PCDH9: variants seen among roughly 807,000 people sequenced by gnomAD.
PCDH9 encodes protocadherin 9.
In PCDH9, 24 loss-of-function variants were observed where a neutral mutation model predicts 70.6. The observed-to-expected ratio is 0.34, with a 90% CI of 0.25 to 0.48. The LOEUF is 0.48. Ranked by LOEUF, PCDH9 falls within the 20% of genes least tolerant of loss-of-function variation. PCDH9 has a pLI of 0.99. For synonymous variants in PCDH9, 562 were observed against 558.5 expected, an observed-to-expected ratio of 1.01 and a Z score of -0.09; for missense variants, 1,281 against 1,503.6, an observed-to-expected ratio of 0.85 and a Z score of 2.45.
At chr13:66,967,857 G>A (rs186489232) in intron 2 of PCDH9, among the ~76,000 whole-genome samples, 23 of 152,074 alleles carry the variant, frequency 1.5e-4, no homozygotes, top group Non-Finnish European at 2.8e-4. Context: ...TCCATGTTAT[G>A]TCATATACTT....
chr13:66,415,099 G>A (rs939726259), intron 4 of PCDH9, among the ~76,000 whole-genome samples: 1 of 152,076 alleles, frequency 6.6e-6, no homozygotes, highest in East Asian at 1.9e-4. Flanking sequence ...TAATACTGAG[G>A]TGAAATTTTG....
At chr13:66,480,922 A>G (rs895441005) in intron 4 of PCDH9, among the ~76,000 whole-genome samples, 4 of 152,192 alleles carry the variant, frequency 2.6e-5, no homozygotes, top group Admixed American at 1.3e-4. Flanking sequence ...AATGCCCATC[A>G]ATGATAGACT....
chr13:66,980,730 G>GTTTTTTTTTTTTTTTTTTTTTTTTTA, intron 2 of PCDH9, among the ~76,000 whole-genome samples: 2 of 70,872 alleles, frequency 2.8e-5, no homozygotes, highest in Non-Finnish European at 5.3e-5. Flanking sequence ...TTTTTTCTTT[G>GTTTTTTTTTTTTTTTTTTTTTTTTTA]TTTTTTTTTT....
intron 3 of PCDH9, among the ~76,000 whole-genome samples, chr13:66,869,053 A>G (rs1194720075): frequency 6.6e-6 from 1 of 152,182 alleles, no homozygotes; most frequent in Non-Finnish European, 1.5e-5. Context: ...ATTAAACCAC[A>G]TAATATTTTC....
At chr13:66,792,562 C>T (rs972766621) in intron 3 of PCDH9, among the ~76,000 whole-genome samples, 25 of 152,064 alleles carry the variant, frequency 1.6e-4, no homozygotes, top group East Asian at 5.8e-4. Context: ...CCAACTACTC[C>T]GGAAGCTGAC....
rs567461989 is a variant in PCDH9, at chr13:66,882,478, C to T, written c.3138+21026G>A. Among the ~76,000 whole-genome samples the T allele has an allele frequency of 4.0e-5, 6 of 151,302 alleles. No homozygotes were observed. The East Asian group carries it at 1.2e-3, about 29-fold the overall frequency. On this transcript the variant is annotated intron_variant, in intron 3 of 4. Coordinates refer to ENST00000377865, the MANE Select transcript of PCDH9 (RefSeq NM_203487.3). ...CCATCAAAACTTGGCTCTGTTTTTT[C>T]CATTTTTTTATTTTGTTGCCTTCTT... is the stretch of plus-strand genomic sequence containing the variant.
intron 4 of PCDH9, among the ~76,000 whole-genome samples, chr13:66,512,969 C>T (rs1959554134): frequency 6.6e-6 from 1 of 151,972 alleles, no homozygotes; most frequent in Non-Finnish European, 1.5e-5. Context: ...GCTGGGACTA[C>T]AAGCACACAC....
At chr13:66,877,330 T>A (rs553933361) in intron 3 of PCDH9, among the ~76,000 whole-genome samples, 25 of 151,220 alleles carry the variant, frequency 1.7e-4, no homozygotes, top group African/African-American at 1.4e-4. Flanking sequence ...AAATTTAAAA[T>A]ATATATATAA....
At chr13:67,015,547 CCTT>C in intron 2 of PCDH9, among the ~76,000 whole-genome samples, 1 of 152,006 alleles carries the variant, frequency 6.6e-6, no homozygotes, top group African/African-American at 2.4e-5. Context: ...TCAGACTTAC[CCTT>C]CTTTGTTGCT....
At chr13:67,118,224 C>A (rs1278795521) in intron 2 of PCDH9, among the ~76,000 whole-genome samples, 1 of 152,152 alleles carries the variant, frequency 6.6e-6, no homozygotes, top group Non-Finnish European at 1.5e-5. Flanking sequence ...ATGTTACCTT[C>A]ATTAGAGTAA....
chr13:66,493,339 C>A (rs1176650969), intron 4 of PCDH9, among the ~76,000 whole-genome samples: 2 of 152,134 alleles, frequency 1.3e-5, no homozygotes, highest in Non-Finnish European at 2.9e-5. Flanking sequence ...ACTTTCAAAG[C>A]AACTGCAGAT....
chr13:66,582,069 A>G (rs1049638967), intron 4 of PCDH9, among the ~76,000 whole-genome samples: 1 of 152,146 alleles, frequency 6.6e-6, no homozygotes, highest in Non-Finnish European at 1.5e-5. Flanking sequence ...ACCAAAGTGT[A>G]TATCATTACA....
At chr13:66,883,026 C>CTTTTTCTCA (rs2081946959) in intron 3 of PCDH9, among the ~76,000 whole-genome samples, 1 of 151,998 alleles carries the variant, frequency 6.6e-6, no homozygotes, top group Non-Finnish European at 1.5e-5. Context: ...AAATTAAATA[C>CTTTTTCTCA]TTTTTCTCAT....
At chr13:66,862,521 C>G (rs753414513) in intron 3 of PCDH9, among the ~76,000 whole-genome samples, 5 of 152,138 alleles carry the variant, frequency 3.3e-5, no homozygotes, top group African/African-American at 4.8e-5. Context: ...GCTGTGTAGA[C>G]AGCCTGCACC....
chr13:67,202,379 A>G (rs1216766053), intron 2 of PCDH9: 2 of 152,188 alleles, frequency 1.3e-5, no homozygotes, highest in Admixed American at 1.3e-4. Flanking sequence ...AAAACCTATT[A>G]TAATGTGAAC....
rs540824126 is a variant in PCDH9, at chr13:66,762,462, A to G, written c.3139-131051T>C. On this transcript the variant is annotated intron_variant, in intron 3 of 4. Transcript: ENST00000377865. ...AGGCAAAATCCTGTGCTCACTTCCC[A>G]TCTTTCCTCAAGCTTATGATATATT... 9.9e-5 allele frequency among the ~76,000 whole-genome samples: 15 copies of G among 152,088 alleles called. No individual in the cohort carries two copies. The East Asian group carries it at 2.9e-3, about 29-fold the overall frequency.
At chr13:66,368,956 C>T (rs139122184) in intron 4 of PCDH9, among the ~76,000 whole-genome samples, 181 of 152,226 alleles carry the variant, frequency 1.2e-3, no homozygotes, top group Non-Finnish European at 2.1e-4. Flanking sequence ...TACCCCCACA[C>T]CGGGTTCCTC....
rs754210755 is a variant in PCDH9 at position 66,602,701 on chromosome 13, T to C, written c.3340+28509A>G. Among the ~76,000 whole-genome samples the C allele has an allele frequency of 4.1e-5, 6 of 145,626 alleles. 1 individual carries two copies. The highest frequency in any genetic ancestry group is 6.9e-5 in the Admixed American group (1 of 14,454). On this transcript the variant is annotated intron_variant, in intron 4 of 4. Transcript: ENST00000377865. ...AGTTCAGTGCGGCCTAAGTGTATAT[T>C]CTTTACATAGTCTACCTTAGTGCAA... is the stretch of plus-strand genomic sequence containing the variant.
At chr13:67,004,820 A>C (rs897148906) in intron 2 of PCDH9, among the ~76,000 whole-genome samples, 9 of 152,044 alleles carry the variant, frequency 5.9e-5, no homozygotes, top group Non-Finnish European at 1.0e-4. Context: ...GAATGATTAA[A>C]TGAGATATTT....
Sources: allele counts gnomAD v4.1 joint callset (sites outside exome capture counted in the v4.1 genomes callset), GRCh38; gene constraint gnomAD v4.1.1; transcripts MANE v1.5; gene names NCBI Gene and HGNC (gene_info 2026-07-23, HGNC 2026-07-21).